SUSD5: variants seen among roughly 807,000 people sequenced by gnomAD.
The protein encoded by SUSD5 is sushi domain containing 5, also known as sushi domain-containing protein 5.
Under a neutral mutation model 29.5 loss-of-function variants are expected in SUSD5, and 33 were observed. That is an observed-to-expected ratio of 1.12 (90% CI 0.85 to 1.49). SUSD5 has a LOEUF of 1.49. Ranked by LOEUF, SUSD5 falls within the 40% of genes most tolerant of loss-of-function variation. The probability of loss-of-function intolerance (pLI) is 0.00; values close to 1 mark genes in which losing one functional copy is unlikely to be tolerated. For synonymous variants in SUSD5, 308 were observed against 325.3 expected (o/e 0.95, Z 0.57); for missense variants, 776 against 800.6 (o/e 0.97, Z 0.37).
At position 33,153,175 on chromosome 3, in the gene SUSD5, A is replaced by G. The variant is rs1321124295; in HGVS notation, c.1457T>C (p.Leu486Pro). Reference sequence around the variant, plus strand: ...GGTGGAGCTGGTGAGCTCATAGGACAGGGTGGCCATGGGAGATTCCTCTGT... The same window carrying G: ...GGTGGAGCTGGTGAGCTCATAGGACGGGGTGGCCATGGGAGATTCCTCTGT... ...FITEESPMAT[L>P]SYELTSSTLE... Residue 486 changes from leucine (L) to proline (P), a missense_variant, in exon 5 of 5, where the codon CTG becomes CCG. Physicochemically the swap from Leu to Pro is moderately conservative, Grantham distance 98. Transcript: ENST00000309558. 2 of 1,613,808 alleles carry G rather than the reference A, an allele frequency of 1.2e-6. No homozygotes were observed. The highest frequency in any genetic ancestry group is 1.7e-6 in the Non-Finnish European group (2 of 1,179,848).
chr3:33,213,917 G>C lies in SUSD5; in HGVS notation c.290+11C>G. On this transcript the variant is annotated intron_variant, in intron 2 of 4. Coordinates refer to ENST00000309558, the MANE Select transcript of SUSD5 (RefSeq NM_015551.2). ...GGGGTGAGTTGGAAAAGGAGTGCTC[G>C]CCTAACTTACCCAAGAGTACCATCT... The C allele has an allele frequency of 1.3e-6, 2 of 1,580,794 alleles. No homozygotes were observed. The highest frequency in any genetic ancestry group is 3.5e-5 in the Admixed American group (2 of 56,932).
intron 1 of SUSD5, among the ~76,000 whole-genome samples, chr3:33,217,710 G>C (rs539028756): frequency 6.9e-6 from 1 of 144,654 alleles, no homozygotes; most frequent in African/African-American, 2.6e-5. Context: ...TTTTCCCCAT[G>C]TCTTCTAGTT....
rs371807499 is a variant in SUSD5, at chr3:33,174,989, G to A, written c.495C>T (p.Tyr165=). 3.2e-4 allele frequency: 509 copies of A among 1,614,020 alleles called. 7 individuals are homozygous for A. In the Middle Eastern group the frequency reaches 0.011, roughly 35 times the overall value. ...TGLEMGDELL[Y]VCAPGHIMGH... is the part of the protein sequence containing the mutation. ...CCATGATGTGGCCTGGGGCACACAC[G>A]TACAGCAGTTCATCCCCCATTTCCA... is the stretch of plus-strand genomic sequence containing the variant. The change falls in exon 4 of 5, where the codon TAC becomes TAT. Residue 165 remains tyrosine (Y), a synonymous_variant. Coordinates refer to ENST00000309558, the MANE Select transcript of SUSD5 (RefSeq NM_015551.2).
intron 4 of SUSD5, among the ~76,000 whole-genome samples, chr3:33,170,554 G>A (rs2031402377): frequency 1.3e-5 from 2 of 152,176 alleles, no homozygotes. Context: ...TGAACACACA[G>A]CCTGGTCGGC....
intron 4 of SUSD5, among the ~76,000 whole-genome samples, chr3:33,171,034 C>T (rs973445568): frequency 1.3e-5 from 2 of 152,120 alleles, no homozygotes; most frequent in African/African-American, 4.8e-5. Context: ...ATAACTAGTA[C>T]CTATTTTTAA....
At chr3:33,216,973 G>A (rs1274219209) in intron 1 of SUSD5, among the ~76,000 whole-genome samples, 1 of 152,164 alleles carries the variant, frequency 6.6e-6, no homozygotes, top group African/African-American at 2.4e-5. Flanking sequence ...TGAAGAAAAG[G>A]AATCATTTCT....
Position 33,153,382 on chromosome 3 carries a change from A to T in SUSD5, c.1250T>A (p.Val417Asp). 5 of 1,613,790 alleles carry T rather than the reference A, an allele frequency of 3.1e-6. No homozygotes were observed. The highest frequency in any genetic ancestry group is 4.2e-6 in the Non-Finnish European group (5 of 1,179,822). The change falls in exon 5 of 5, where the codon GTT becomes GAT. Residue 417 changes from valine to aspartate, a missense_variant. By Grantham distance (152) the Val-to-Asp change is radical (BLOSUM62 -3). Transcript: ENST00000309558. The part of the protein sequence containing the change: ...VTPDQPILVE[V>D]KKPKSSTLTP... ...GAGGGTGCTACTCTTGGGCTTCTTA[A>T]CTTCCACAAGAATGGGCTGATCAGG...
At chr3:33,188,627 G>A (rs1320186132) in intron 3 of SUSD5, among the ~76,000 whole-genome samples, 1 of 152,204 alleles carries the variant, frequency 6.6e-6, no homozygotes, top group African/African-American at 2.4e-5. Flanking sequence ...TTGGAGAACT[G>A]CTGCTGTGGA....
intron 4 of SUSD5, among the ~76,000 whole-genome samples, chr3:33,164,443 A>G (rs73045384): frequency 0.13 from 20,298 of 152,230 alleles, 1,608 homozygotes; most frequent in South Asian, 0.23. Flanking sequence ...GCTTAACACT[A>G]CTTATCTGCA....
intron 3 of SUSD5, among the ~76,000 whole-genome samples, chr3:33,181,070 A>AAG (rs2031661841): frequency 6.6e-6 from 1 of 151,722 alleles, no homozygotes; most frequent in Non-Finnish European, 1.5e-5. Flanking sequence ...CAGTTGTACA[A>AAG]TGTGTTTTTA....
rs775043042 is a variant in SUSD5, at chr3:33,152,830, C to T, written c.1802G>A (p.Cys601Tyr). ...CTTGTACACAGAGCTCTTGTGCTGG[C>T]ACTTGCGGTAGCCCCACACCATCCC... ...GVGMVWGYRK[C>Y]QHKSSVYKLN... Residue 601 changes from cysteine to tyrosine, a missense_variant, in exon 5 of 5, where the codon TGC (cysteine) becomes TAC (tyrosine). Transcript: ENST00000309558. 1 of 1,614,044 alleles carries T rather than the reference C, an allele frequency of 6.2e-7. No homozygotes were observed. Among genetic ancestry groups the T allele is most frequent in the South Asian group, 1.1e-5 (1 of 91,082 alleles).
In SUSD5 at chr3:33,214,021, G is replaced by C; in HGVS notation, c.197C>G (p.Ala66Gly). 6.2e-7 allele frequency: 1 copy of C among 1,613,776 alleles called. No homozygotes were observed. The highest frequency in any genetic ancestry group is 8.5e-7 in the Non-Finnish European group (1 of 1,179,780). Reference protein sequence around the residue: ...AARLSCKSRGAHLASADELRR... With the variant: ...AARLSCKSRGGHLASADELRR... ...CAGCTCGTCTGCAGATGCCAGGTGA[G>C]CGCCCCTGCTCTTGCAGGAAAGCCG... The change falls in exon 2 of 5, where the codon GCT (alanine) becomes GGT (glycine). Residue 66 changes from alanine to glycine, a missense_variant. Transcript: ENST00000309558.
At chr3:33,171,812 G>A (rs1281631858) in intron 4 of SUSD5, among the ~76,000 whole-genome samples, 4 of 152,034 alleles carry the variant, frequency 2.6e-5, no homozygotes, top group African/African-American at 4.8e-5. Context: ...ATAGCCTCTG[G>A]GTTTACTGAG....
At chr3:33,199,565 G>A (rs781397841) in intron 3 of SUSD5, among the ~76,000 whole-genome samples, 29 of 152,262 alleles carry the variant, frequency 1.9e-4, no homozygotes, top group African/African-American at 2.6e-4. Context: ...GAGCCACCAC[G>A]CCCAACCAAA....
At chr3:33,188,832 A>G (rs946736348) in intron 3 of SUSD5, among the ~76,000 whole-genome samples, 1 of 152,224 alleles carries the variant, frequency 6.6e-6, no homozygotes, top group African/African-American at 2.4e-5. Context: ...ACATTTGTCA[A>G]AACTTGTCAA....
At chr3:33,155,103 C>T (rs998794579) in intron 4 of SUSD5, among the ~76,000 whole-genome samples, 1 of 152,180 alleles carries the variant, frequency 6.6e-6, no homozygotes, top group Non-Finnish European at 1.5e-5. Context: ...AAATGAAGAT[C>T]CTCTGTTCAT....
intron 2 of SUSD5, 73 bp from the exon 3 acceptor site, chr3:33,207,999 C>G: frequency 9.0e-7 from 1 of 1,110,056 alleles, no homozygotes; most frequent in Non-Finnish European, 1.3e-6. Context: ...TTCTCTTCTG[C>G]TGTCAGCTCC....
chr3:33,214,589 C>A (rs2125634745), intron 1 of SUSD5, among the ~76,000 whole-genome samples: 1 of 152,204 alleles, frequency 6.6e-6, no homozygotes, highest in African/African-American at 2.4e-5. Context: ...AGGCCCCTTT[C>A]ACAATAAATT....
intron 4 of SUSD5, among the ~76,000 whole-genome samples, chr3:33,173,735 T>C (rs777672480): frequency 6.6e-6 from 1 of 152,154 alleles, no homozygotes; most frequent in African/African-American, 2.4e-5. Context: ...GGTACCTAGA[T>C]GTCATGGGAG....
Sources: gnomAD v4.1 joint callset for allele counts (sites outside exome capture counted in the v4.1 genomes callset) on GRCh38, gnomAD v4.1.1 for gene constraint, MANE v1.5 for transcripts, NCBI Gene and HGNC (gene_info 2026-07-23, HGNC 2026-07-21) for gene names.